FBXO4: variants seen among roughly 807,000 people sequenced by gnomAD.
FBXO4 encodes the protein F-box only protein 4.
FBXO4 carries 36 observed loss-of-function variants against 43.7 expected under a neutral mutation model. The ratio of observed to expected loss-of-function variants is 0.82; its 90% CI spans 0.63 to 1.09. FBXO4 has a LOEUF of 1.09. Ranked by LOEUF, FBXO4 falls within the 50% of genes least tolerant of loss-of-function variation. The probability of loss-of-function intolerance (pLI) is 0.00; values close to 1 mark genes in which losing one functional copy is unlikely to be tolerated. For missense variants in FBXO4, 435 were observed against 474.1 expected (o/e 0.92, Z 0.77); for synonymous variants, 180 against 165.6 (o/e 1.09, Z -0.67).
chr5:41,964,545 G>A, the FBXO4 span, among the ~76,000 whole-genome samples: 1 of 149,122 alleles, frequency 6.7e-6, no homozygotes, highest in East Asian at 2.0e-4. Flanking sequence ...TGGTGGAAAA[G>A]TAACTTGCAT....
downstream of FBXO4, among the ~76,000 whole-genome samples, chr5:41,942,100 A>G (rs1325132065): frequency 6.6e-6 from 1 of 152,094 alleles, no homozygotes; most frequent in East Asian, 1.9e-4. Flanking sequence ...ATTTAAATGT[A>G]TTTCTGTTTT....
At chr5:42,028,991 T>A in the FBXO4 span, among the ~76,000 whole-genome samples, 1 of 152,018 alleles carries the variant, frequency 6.6e-6, no homozygotes, top group Non-Finnish European at 1.5e-5. Context: ...TCACAGTTAG[T>A]GTTATAACAG....
At position 41,926,956 on chromosome 5, in the gene FBXO4, A is replaced by C. The variant is rs546859191; in HGVS notation, c.190-57A>C. ...TTATTTGTTGATTATGTGGTTTATC[A>C]CCCAAAAACTATTTTCTTCATTCCT... On this transcript the variant is annotated intron_variant, in intron 1 of 6. Transcript: ENST00000281623. The C allele has an allele frequency of 1.0e-5, 11 of 1,055,502 alleles. 1 individual carries two copies. The Admixed American group carries it at 2.3e-4, about 22-fold the overall frequency. 65.4% of individuals were successfully genotyped at this position (1,055,502 alleles called of 1,614,324 possible).
At chr5:42,032,648 G>C in the FBXO4 span, among the ~76,000 whole-genome samples, 8 of 152,268 alleles carry the variant, frequency 5.3e-5, no homozygotes, top group South Asian at 1.4e-3. Flanking sequence ...CTCTGGCCCA[G>C]GGCAGGTCTA....
At chr5:42,007,705 T>C in the FBXO4 span, among the ~76,000 whole-genome samples, 1 of 152,132 alleles carries the variant, frequency 6.6e-6, no homozygotes, top group Non-Finnish European at 1.5e-5. Flanking sequence ...TCATTGGGCA[T>C]CAATAGTTTT....
the FBXO4 span, among the ~76,000 whole-genome samples, chr5:41,964,878 T>A: frequency 6.6e-6 from 1 of 152,198 alleles, no homozygotes; most frequent in African/African-American, 2.4e-5. Context: ...GCAGAAGCTC[T>A]TTAGTTTAAC....
the FBXO4 span, among the ~76,000 whole-genome samples, chr5:41,978,516 G>GT: frequency 6.6e-6 from 1 of 152,054 alleles, no homozygotes; most frequent in Non-Finnish European, 1.5e-5. Context: ...TTGGTAAGTG[G>GT]TTTTTTTAGG....
the FBXO4 span, among the ~76,000 whole-genome samples, chr5:41,953,891 A>G: frequency 6.6e-6 from 1 of 152,050 alleles, no homozygotes; most frequent in East Asian, 1.9e-4. Flanking sequence ...TAGATTCTGG[A>G]TATTAGCCCT....
At chr5:41,994,132 T>C in the FBXO4 span, among the ~76,000 whole-genome samples, 68 of 152,276 alleles carry the variant, frequency 4.5e-4, 2 homozygotes, top group East Asian at 0.012. Flanking sequence ...AATAAGGTCA[T>C]AATTATGCCT....
chr5:41,965,643 C>G, the FBXO4 span, among the ~76,000 whole-genome samples: 1 of 152,026 alleles, frequency 6.6e-6, no homozygotes, highest in Non-Finnish European at 1.5e-5. Context: ...GTTAGAATGG[C>G]GATCATTAAA....
the FBXO4 span, among the ~76,000 whole-genome samples, chr5:42,020,234 C>T: frequency 1.8e-3 from 276 of 152,136 alleles, no homozygotes; most frequent in African/African-American, 6.5e-3. Flanking sequence ...AAATTATTTA[C>T]GGGATAGTAA....
At chr5:41,934,882 G>C (rs1751809303) in intron 5 of FBXO4, 1 of 985,914 alleles carries the variant, frequency 1.0e-6, no homozygotes, top group Non-Finnish European at 1.2e-6. Context: ...CCATGAGCTA[G>C]TATTATAATA....
the FBXO4 span, among the ~76,000 whole-genome samples, chr5:41,966,187 C>A: frequency 6.6e-6 from 1 of 152,128 alleles, no homozygotes; most frequent in South Asian, 2.1e-4. Flanking sequence ...TGGAGATATA[C>A]CTAATGTTAA....
the FBXO4 span, among the ~76,000 whole-genome samples, chr5:41,998,240 T>C: frequency 1.3e-5 from 2 of 152,208 alleles, no homozygotes; most frequent in African/African-American, 2.4e-5. Context: ...TTAAATTTTG[T>C]AGTTGAGTGA....
chr5:41,997,350 C>T, the FBXO4 span, among the ~76,000 whole-genome samples: 1 of 152,184 alleles, frequency 6.6e-6, no homozygotes, highest in Non-Finnish European at 1.5e-5. Flanking sequence ...ATCCCTGTGC[C>T]TTTCAAGTTC....
At chr5:42,013,771 G>T in the FBXO4 span, among the ~76,000 whole-genome samples, 1 of 152,322 alleles carries the variant, frequency 6.6e-6, no homozygotes, top group African/African-American at 2.4e-5. Context: ...TTAGACTTTG[G>T]TGTCTCATTC....
the FBXO4 span, among the ~76,000 whole-genome samples, chr5:41,958,291 C>T: frequency 3.9e-5 from 6 of 152,220 alleles, no homozygotes; most frequent in East Asian, 7.7e-4. Context: ...CCCGCCACCA[C>T]ACCTGGCTAA....
the FBXO4 span, among the ~76,000 whole-genome samples, chr5:41,974,932 T>C: frequency 6.6e-6 from 1 of 152,186 alleles, no homozygotes; most frequent in Non-Finnish European, 1.5e-5. Flanking sequence ...AGGCCTTTAG[T>C]GTCAGGGATT....
chr5:41,998,035 C>A, the FBXO4 span, among the ~76,000 whole-genome samples: 4 of 152,160 alleles, frequency 2.6e-5, no homozygotes, highest in African/African-American at 9.7e-5. Flanking sequence ...AGGGATGCAG[C>A]AGGCTCCCTA....
Sources: gnomAD v4.1 joint callset for allele counts (sites outside exome capture counted in the v4.1 genomes callset) on GRCh38, gnomAD v4.1.1 for gene constraint, MANE v1.5 for transcripts, NCBI Gene and HGNC (gene_info 2026-07-23, HGNC 2026-07-21) for gene names.